Variants in GNPDA1 observed in about 807,000 individuals in gnomAD.
The protein encoded by GNPDA1 is GNPDA 1.
GNPDA1 carries 24 observed loss-of-function variants against 28.5 expected under a neutral mutation model. That is an observed-to-expected ratio of 0.84 (90% CI 0.61 to 1.19). GNPDA1 has a LOEUF of 1.19. Ranked by LOEUF, GNPDA1 falls within the 50% of genes most tolerant of loss-of-function variation. The pLI, the probability that GNPDA1 is intolerant of heterozygous loss-of-function variation, is 0.00. For synonymous variants in GNPDA1, 147 were observed against 139.3 expected, an observed-to-expected ratio of 1.06 and a Z score of -0.39; for missense variants, 264 against 367.3, an observed-to-expected ratio of 0.72 and a Z score of 2.30.
intron 2 of GNPDA1, among the ~76,000 whole-genome samples, chr5:142,011,017 G>A (rs953892762): frequency 6.6e-6 from 1 of 151,572 alleles, no homozygotes; most frequent in Admixed American, 6.6e-5. Context: ...ACACAATCAT[G>A]GCTCACTGCA....
At chr5:142,004,316 G>A (rs1164571946) in intron 5 of GNPDA1, among the ~76,000 whole-genome samples, 1 of 152,198 alleles carries the variant, frequency 6.6e-6, no homozygotes, top group African/African-American at 2.4e-5. Context: ...ATTGGCTTGG[G>A]CAAAGAAATG....
At position 142,007,780 on chromosome 5, in the gene GNPDA1, T is replaced by C; in HGVS notation, c.226+19A>G. 1 of 1,438,106 alleles carries C rather than the reference T, an allele frequency of 7.0e-7. No individual in the cohort carries two copies. Among genetic ancestry groups the C allele is most frequent in the East Asian group, 2.3e-5 (1 of 43,944 alleles). 89.1% of individuals were successfully genotyped at this position (1,438,106 alleles called of 1,614,324 possible). A position where few individuals can be genotyped will look rare whatever the true frequency, so the allele number is the denominator to read the frequency against. ...ACTCTCCTAGAATCAGGAAAGAACC[T>C]TGAAAGAGAAAGACTCACCCACGTA... On this transcript the variant is annotated intron_variant, in intron 3 of 6. Transcript: ENST00000311337.
chr5:142,001,747 G>A lies in GNPDA1; in HGVS notation c.*282C>T. The A allele has an allele frequency of 3.6e-6, 1 of 274,678 alleles. No homozygotes were observed. The highest frequency in any genetic ancestry group is 7.7e-5 in the South Asian group (1 of 12,980). The allele number at this position is 274,678 out of a possible 1,614,324, so 17.0% of individuals were successfully genotyped here. ...TGTGTCATATGTGTGAACCATGGCTGAAGCAGAACAAAAAGTTTAAAACTC... is the reference window on the plus strand; with the variant it reads ...TGTGTCATATGTGTGAACCATGGCTAAAGCAGAACAAAAAGTTTAAAACTC... On this transcript the variant is annotated 3_prime_UTR_variant, in exon 7 of 7. Coordinates refer to ENST00000311337, the MANE Select transcript of GNPDA1 (RefSeq NM_005471.5).
intron 3 of GNPDA1, among the ~76,000 whole-genome samples, chr5:142,007,390 A>G (rs899381074): frequency 1.3e-5 from 2 of 152,140 alleles, no homozygotes; most frequent in African/African-American, 4.8e-5. Flanking sequence ...CCTGGCAGAA[A>G]GGGGAGCTGG....
chr5:142,011,025 G>A (rs1561573932), intron 2 of GNPDA1, among the ~76,000 whole-genome samples: 1 of 151,034 alleles, frequency 6.6e-6, no homozygotes, highest in Non-Finnish European at 1.5e-5. Flanking sequence ...ATGGCTCACT[G>A]CAGCCTCAAT....
rs767622622 is a variant in GNPDA1 at position 142,005,053 on chromosome 5, C to T, written c.473G>A (p.Arg158His). 14 of 1,613,512 alleles carry T rather than the reference C, an allele frequency of 8.7e-6. No homozygotes were observed. Among genetic ancestry groups the T allele is most frequent in the Non-Finnish European group, 1.1e-5 (13 of 1,179,630 alleles). ...EPGSSLVSRTRVKTLAMDTIL... is the reference protein window; with the variant it reads ...EPGSSLVSRTHVKTLAMDTIL... The stretch of plus-strand genomic sequence containing the variant: ...GGTATCCATGGCCAGCGTCTTCACA[C>T]GGGTCCTGGACACCAGACTGGAGCC... The change falls in exon 5 of 7, where the codon CGT becomes CAT. Residue 158 changes from arginine (R) to histidine (H), a missense_variant. Physicochemically the swap from Arg to His is conservative, Grantham distance 29. Coordinates refer to ENST00000311337, the MANE Select transcript of GNPDA1 (RefSeq NM_005471.5).
At position 142,003,063 on chromosome 5, in the gene GNPDA1, C is replaced by T. The variant is rs770413456; in HGVS notation, c.769+25G>A. The stretch of plus-strand genomic sequence containing the variant: ...TAGCACACCCTAAGCTTGACCACCT[C>T]CTCCTGGACCCACACCTCCCTCACC... On this transcript the variant is annotated intron_variant, in intron 6 of 6. Transcript: ENST00000311337. The surrounding 1 kb of genome is among the most constrained non-coding windows in gnomAD (Gnocchi z 4.0). The T allele has an allele frequency of 1.9e-6, 3 of 1,599,008 alleles. No homozygotes were observed. The highest frequency in any genetic ancestry group is 1.7e-5 in the Admixed American group (1 of 59,284).
In GNPDA1 at chr5:142,005,074, G is replaced by T; in HGVS notation, c.452C>A (p.Ser151Tyr). 1 of 1,612,106 alleles carries T rather than the reference G, an allele frequency of 6.2e-7. No individual in the cohort carries two copies. The highest frequency in any genetic ancestry group is 8.5e-7 in the Non-Finnish European group (1 of 1,178,342). ...CACACGGGTCCTGGACACCAGACTG[G>T]AGCCTGGCTCGTTGAAGGCAATGTG... ...DGHIAFNEPG[S>Y]SLVSRTRVKT... The change falls in exon 5 of 7, where the codon TCC (serine) becomes TAC (tyrosine). Residue 151 changes from serine to tyrosine, a missense_variant. Physicochemically the swap from Ser to Tyr is moderately radical, Grantham distance 144. Transcript: ENST00000311337.
rs199749873 is a variant in GNPDA1, at chr5:142,007,825, T to G, written c.200A>C (p.Lys67Thr). 6.2e-7 allele frequency: 1 copy of G among 1,608,190 alleles called. No homozygotes were observed. Among genetic ancestry groups the G allele is most frequent in the Admixed American group, 1.7e-5 (1 of 60,016 alleles). ...KNGDLSFKYV[K>T]TFNMDEYVGL... The stretch of plus-strand genomic sequence containing the variant: ...CACGTACTCATCCATGTTGAAGGTC[T>G]TCACATATTTAAAGGACAGGTCCCC... Residue 67 changes from lysine to threonine, a missense_variant, in exon 3 of 7, where the codon AAG (lysine) becomes ACG (threonine). By Grantham distance (78) the Lys-to-Thr change is moderately conservative (BLOSUM62 -1). Coordinates refer to ENST00000311337, the MANE Select transcript of GNPDA1 (RefSeq NM_005471.5).
rs781120147 is a variant in GNPDA1, at chr5:142,007,257, A to T, written c.226+542T>A. On this transcript the variant is annotated intron_variant, in intron 3 of 6. Transcript: ENST00000311337. ...TGTATTTTACCACAATTTTTTTTTT[A>T]AAAAAAGGATGTTTAAAATGAAGCT... Among the ~76,000 whole-genome samples, 152 of 151,994 alleles carry T rather than the reference A, an allele frequency of 1.0e-3. 4 individuals carry two copies. Among genetic ancestry groups the T allele is most frequent in the Non-Finnish European group, 9.7e-4 (66 of 67,962 alleles).
chr5:142,008,048 C>G (rs979213735), intron 2 of GNPDA1, 148 bp from the exon 3 acceptor site: 63 of 619,780 alleles, frequency 1.0e-4, no homozygotes, highest in African/African-American at 9.6e-4. Flanking sequence ...TGCCATCCAT[C>G]CATTAATTGC....
rs534328216 is a variant in GNPDA1 at position 142,000,800 on chromosome 5, G to C, written c.*1229C>G. On this transcript the variant is annotated 3_prime_UTR_variant, in exon 7 of 7. Coordinates refer to ENST00000311337, the MANE Select transcript of GNPDA1 (RefSeq NM_005471.5). ...AGACAAAACACTGGTACCAAACATA[G>C]CCCTTAGGCCTGGGCTAGGCTCTCA... is the stretch of plus-strand genomic sequence containing the variant. The C allele has an allele frequency of 9.8e-5, 15 of 152,300 alleles. No homozygotes were observed. Among genetic ancestry groups the C allele is most frequent in the African/African-American group, 3.6e-4 (15 of 41,404 alleles). 9.4% of individuals were successfully genotyped at this position (152,300 alleles called of 1,614,324 possible). A position where few individuals can be genotyped will look rare whatever the true frequency, so the allele number is the denominator to read the frequency against.
At chr5:142,010,171 TA>T (rs1239463048) in intron 2 of GNPDA1, among the ~76,000 whole-genome samples, 1 of 152,240 alleles carries the variant, frequency 6.6e-6, no homozygotes, top group East Asian at 1.9e-4. Context: ...CTTTATTTTT[TA>T]TTTTTTTAGA....
intron 4 of GNPDA1, among the ~76,000 whole-genome samples, chr5:142,005,654 A>G (rs1034136819): frequency 5.3e-5 from 8 of 152,164 alleles, no homozygotes; most frequent in Non-Finnish European, 1.0e-4. Context: ...GTTACCCCTC[A>G]TGGGTAACTC....
intron 4 of GNPDA1, chr5:142,005,375 T>G: frequency 3.0e-6 from 1 of 336,534 alleles, no homozygotes; most frequent in Non-Finnish European, 5.5e-6. Flanking sequence ...CATTGTTAAC[T>G]TGCTATCACC....
intron 2 of GNPDA1, among the ~76,000 whole-genome samples, chr5:142,009,059 A>AGTGTGT (rs10628648): frequency 0.06 from 9,176 of 151,826 alleles, 396 homozygotes; most frequent in Non-Finnish European, 0.09. Flanking sequence ...AGAAAAAAAA[A>AGTGTGT]GTGTGTGTGT....
At chr5:142,012,186 A>C in intron 1 of GNPDA1, 145 bp from the exon 2 acceptor site, 1 of 709,524 alleles carries the variant, frequency 1.4e-6, no homozygotes. Flanking sequence ...TTCTATTCAC[A>C]GAGGAGCTAA....
At chr5:142,012,140 C>G (rs1298329696) in intron 1 of GNPDA1, 99 bp from the exon 2 acceptor site, 1 of 1,266,446 alleles carries the variant, frequency 7.9e-7, no homozygotes, top group African/African-American at 1.5e-5. Flanking sequence ...CAGCAACAAT[C>G]CCCTTCCCAA....
At chr5:142,009,050 G>GA (rs1419494339) in intron 2 of GNPDA1, among the ~76,000 whole-genome samples, 15 of 144,852 alleles carry the variant, frequency 1.0e-4, no homozygotes, top group Admixed American at 3.4e-4. Context: ...ATGTGGTTCA[G>GA]AAAAAAAAAG....
Sources: allele counts gnomAD v4.1 joint callset (sites outside exome capture counted in the v4.1 genomes callset), GRCh38; gene constraint gnomAD v4.1.1; non-coding constraint Gnocchi (gnomAD v3.1); transcripts MANE v1.5; gene names NCBI Gene and HGNC (gene_info 2026-07-23, HGNC 2026-07-21).